RMDN2: variants seen among roughly 807,000 people sequenced by gnomAD.
RMDN2 encodes the protein regulator of microtubule dynamics 2, also known as regulator of microtubule dynamics protein 2.
A neutral mutation model predicts 52.8 loss-of-function variants in RMDN2; 61 were observed. The ratio of observed to expected loss-of-function variants is 1.16; its 90% confidence interval spans 0.94 to 1.43. The LOEUF (loss-of-function observed/expected upper bound fraction) is 1.43, where lower values mean the gene tolerates loss of function less well. RMDN2 is among the 40% of genes most tolerant of loss of function. The pLI, the probability that RMDN2 is intolerant of heterozygous loss-of-function variation, is 0.00. For missense variants in RMDN2, 592 were observed against 475.3 expected (o/e 1.25, Z -2.28); for synonymous variants, 180 against 153.1 (o/e 1.18, Z -1.30).
chr2:37,954,555 A>G (rs967345270), intron 2 of RMDN2, among the ~76,000 whole-genome samples: 4 of 152,040 alleles, frequency 2.6e-5, no homozygotes, highest in Non-Finnish European at 4.4e-5. Context: ...TCACCAGCCT[A>G]TACATCTGTC....
intron 10 of RMDN2, among the ~76,000 whole-genome samples, chr2:38,060,178 C>G (rs906467731): frequency 2.0e-5 from 3 of 151,700 alleles, no homozygotes; most frequent in Admixed American, 6.6e-5. Context: ...ATCTCCTGAC[C>G]TCATGATCCG....
chr2:38,027,205 T>C (rs1479493280), intron 10 of RMDN2: 1 of 152,250 alleles, frequency 6.6e-6, no homozygotes, highest in Non-Finnish European at 1.5e-5. Flanking sequence ...ATTTCTGGAC[T>C]CCTTTTGTGT....
At chr2:37,953,984 T>C (rs1001332655) in intron 2 of RMDN2, among the ~76,000 whole-genome samples, 1 of 152,026 alleles carries the variant, frequency 6.6e-6, no homozygotes, top group African/African-American at 2.4e-5. Context: ...CTGCTGCCCA[T>C]TTGTATATCT....
chr2:37,945,727 T>G lies in RMDN2; in HGVS notation c.452+15998T>G, dbSNP rs151025872. On this transcript the variant is annotated intron_variant, in intron 2 of 10. Transcript: ENST00000354545. Reference sequence around the variant, plus strand: ...AATGTTTTATATTTATTATCTCATTTAATATACACATTAACTCTGAGGTTT... The same window carrying G: ...AATGTTTTATATTTATTATCTCATTGAATATACACATTAACTCTGAGGTTT... 6.1e-3 allele frequency among the ~76,000 whole-genome samples: 927 copies of G among 152,340 alleles called. 8 individuals carry two copies. The highest frequency in any genetic ancestry group is 0.021 in the African/African-American group (884 of 41,592).
In RMDN2 at chr2:37,959,128, C is replaced by A. The variant is rs1288587910; in HGVS notation, c.453-14912C>A. 2.0e-5 allele frequency among the ~76,000 whole-genome samples: 3 copies of A among 150,916 alleles called. 1 individual carries two copies. Among genetic ancestry groups the A allele is most frequent in the African/African-American group, 5.0e-5 (2 of 40,244 alleles). On this transcript the variant is annotated intron_variant, in intron 2 of 10. Coordinates refer to ENST00000354545, the MANE Select transcript of RMDN2 (RefSeq NM_001170791.3). ...CTGAAATTTTCTTTTTATGTTGTTT[C>A]TCTGCCAGGTTTTGGTATCAGGATG... is the stretch of plus-strand genomic sequence containing the variant.
intron 2 of RMDN2, among the ~76,000 whole-genome samples, chr2:37,955,205 G>T (rs1669297138): frequency 6.6e-6 from 1 of 151,986 alleles, no homozygotes; most frequent in Non-Finnish European, 1.5e-5. Context: ...TTGCCTAGTT[G>T]CACTGGCTAG....
chr2:38,028,969 C>T (rs939161984), intron 10 of RMDN2, among the ~76,000 whole-genome samples: 1 of 152,102 alleles, frequency 6.6e-6, no homozygotes, highest in Non-Finnish European at 1.5e-5. Flanking sequence ...TTTCCTGAGG[C>T]TGCAGCTGTT....
chr2:38,020,609 GCCAGCCGGCCCTGCCGGC>G (rs1235640580), downstream of RMDN2, among the ~76,000 whole-genome samples: 1 of 152,216 alleles, frequency 6.6e-6, no homozygotes, highest in East Asian at 1.9e-4. Context: ...ACTGGGAGCG[GCCAGCCGGCCCTGCCGGC>G]CCAGGCAATG....
chr2:38,054,704 G>C (rs2125303175), intron 10 of RMDN2, among the ~76,000 whole-genome samples: 1 of 152,220 alleles, frequency 6.6e-6, no homozygotes, highest in South Asian at 2.1e-4. Context: ...ACCCATTTAT[G>C]AATTCTCTTC....
intron 10 of RMDN2, among the ~76,000 whole-genome samples, chr2:38,012,991 A>G (rs540190845): frequency 6.6e-6 from 1 of 152,202 alleles, no homozygotes; most frequent in Non-Finnish European, 1.5e-5. Flanking sequence ...TGATATTGGG[A>G]GTGTCAGTCG....
chr2:38,031,415 A>G (rs940293359), intron 10 of RMDN2, among the ~76,000 whole-genome samples: 1 of 151,936 alleles, frequency 6.6e-6, no homozygotes, highest in Non-Finnish European at 1.5e-5. Flanking sequence ...CTGAAACTAC[A>G]GGTCCCTTTC....
chr2:37,926,454 AT>A (rs1666284834), intron 1 of RMDN2, among the ~76,000 whole-genome samples: 1 of 152,070 alleles, frequency 6.6e-6, no homozygotes, highest in Non-Finnish European at 1.5e-5. Flanking sequence ...ATACACATTA[AT>A]TAAGTGCCAT....
intron 10 of RMDN2, among the ~76,000 whole-genome samples, chr2:38,047,712 T>G (rs1161809075): frequency 2.6e-5 from 4 of 152,234 alleles, no homozygotes; most frequent in Non-Finnish European, 4.4e-5. Flanking sequence ...AAGTTTGACT[T>G]TCTATATTTT....
At chr2:37,955,815 G>T (rs1669381839) in intron 2 of RMDN2, among the ~76,000 whole-genome samples, 1 of 152,024 alleles carries the variant, frequency 6.6e-6, no homozygotes, top group Non-Finnish European at 1.5e-5. Context: ...GTATGTCTTT[G>T]TCAGCAGCAT....
At chr2:37,943,698 T>G (rs1465728749) in intron 2 of RMDN2, among the ~76,000 whole-genome samples, 1 of 152,226 alleles carries the variant, frequency 6.6e-6, no homozygotes, top group Non-Finnish European at 1.5e-5. Context: ...AATCCTTCAT[T>G]GCGCTCCATT....
chr2:37,982,501 C>A (rs1673456479), intron 5 of RMDN2, among the ~76,000 whole-genome samples: 1 of 152,130 alleles, frequency 6.6e-6, no homozygotes, highest in South Asian at 2.1e-4. Flanking sequence ...CTGTAGAAAT[C>A]CTCACTCCCA....
At chr2:37,967,062 T>A (rs1327517681) in intron 2 of RMDN2, among the ~76,000 whole-genome samples, 1 of 152,008 alleles carries the variant, frequency 6.6e-6, no homozygotes, top group East Asian at 1.9e-4. Flanking sequence ...AATGGAGAGC[T>A]CATTTTAAGA....
intron 10 of RMDN2, among the ~76,000 whole-genome samples, chr2:38,025,012 G>T (rs1424036821): frequency 6.6e-6 from 1 of 152,008 alleles, no homozygotes; most frequent in African/African-American, 2.4e-5. Context: ...TAGGTTATTT[G>T]CATTTCCATG....
Position 38,017,714 on chromosome 2 carries a change from A to C in RMDN2, c.*475A>C. On this transcript the variant is annotated 3_prime_UTR_variant, in exon 11 of 11. Transcript: ENST00000354545. ...ACTGGTAATCAAAAGATGTGAATAA[A>C]ATTACAATAAAATACTGTTTTACCA... 1 of 407,718 alleles carries C rather than the reference A, an allele frequency of 2.5e-6. No individual in the cohort carries two copies. 25.3% of individuals were successfully genotyped at this position (407,718 alleles called of 1,614,324 possible).
Sources: allele counts gnomAD v4.1 joint callset (sites outside exome capture counted in the v4.1 genomes callset), GRCh38; gene constraint gnomAD v4.1.1; transcripts MANE v1.5; gene names NCBI Gene and HGNC (gene_info 2026-07-23, HGNC 2026-07-21).